Variants in GTF2A1L observed in about 807,000 individuals in gnomAD.
GTF2A1L encodes general transcription factor IIA subunit 1 like.
Under a neutral mutation model 49.7 loss-of-function variants are expected in GTF2A1L, and 48 were observed. That is an observed-to-expected ratio of 0.97 (90% CI 0.77 to 1.23). GTF2A1L has a LOEUF of 1.23. Ranked by LOEUF, GTF2A1L falls within the 50% of genes most tolerant of loss-of-function variation. The probability of loss-of-function intolerance (pLI) is 0.00; values close to 1 mark genes in which losing one functional copy is unlikely to be tolerated. For missense variants in GTF2A1L, 736 were observed against 564.8 expected (o/e 1.30, Z -3.07); for synonymous variants, 246 against 193.5 (o/e 1.27, Z -2.25).
intron 8 of GTF2A1L, among the ~76,000 whole-genome samples, chr2:48,677,571 T>G (rs573826693): frequency 1.3e-5 from 2 of 151,976 alleles, no homozygotes; most frequent in Non-Finnish European, 2.9e-5. Context: ...TGGGAAGTCA[T>G]TGGAGAGTTT....
In GTF2A1L at chr2:48,669,960, C is replaced by T; in HGVS notation, c.1217C>T (p.Pro406Leu). Residue 406 changes from proline (P) to leucine (L), a missense_variant, in exon 7 of 9, where the codon CCT becomes CTT. Pro to Leu is a moderately conservative substitution (Grantham distance 98, BLOSUM62 -3). Transcript: ENST00000403751. ...ACAAACAGTAGTGATAATGAAGACC[C>T]TCAAGTAAACATTGTAGAAGAGGTG... ...SATNSSDNEDPQVNIVEEDPL... is the reference protein window; with the variant it reads ...SATNSSDNEDLQVNIVEEDPL... 6.2e-7 allele frequency: 1 copy of T among 1,613,444 alleles called. No individual in the cohort carries two copies. Among genetic ancestry groups the T allele is most frequent in the Non-Finnish European group, 8.5e-7 (1 of 1,179,730 alleles).
intron 3 of GTF2A1L, among the ~76,000 whole-genome samples, chr2:48,640,596 A>G (rs941676169): frequency 1.5e-4 from 23 of 152,288 alleles, no homozygotes; most frequent in African/African-American, 5.5e-4. Context: ...TAATTCCTGG[A>G]TAATGAAATA....
chr2:48,656,435 C>G (rs974815546), intron 6 of GTF2A1L, among the ~76,000 whole-genome samples: 1 of 147,946 alleles, frequency 6.8e-6, no homozygotes, highest in Non-Finnish European at 1.5e-5. Flanking sequence ...TATGTATTTC[C>G]CTAATAATTA....
intron 8 of GTF2A1L, among the ~76,000 whole-genome samples, 154 bp from the exon 9 acceptor site, chr2:48,679,181 A>G (rs1679630302): frequency 6.6e-6 from 1 of 152,098 alleles, no homozygotes; most frequent in Non-Finnish European, 1.5e-5. Context: ...TAGGAACTCA[A>G]ATGTTTATGG....
intron 6 of GTF2A1L, among the ~76,000 whole-genome samples, chr2:48,653,089 C>T (rs141776529): frequency 8.6e-5 from 13 of 151,572 alleles, no homozygotes; most frequent in South Asian, 2.1e-4. Flanking sequence ...ATTAGCCTGG[C>T]GTGCGGCTGT....
chr2:48,640,015 C>T (rs914601409), intron 3 of GTF2A1L, among the ~76,000 whole-genome samples: 2 of 152,098 alleles, frequency 1.3e-5, no homozygotes, highest in Non-Finnish European at 2.9e-5. Context: ...TCACACCAGT[C>T]TGAATGGCTG....
At chr2:48,656,729 G>T (rs1005100970) in intron 6 of GTF2A1L, among the ~76,000 whole-genome samples, 11 of 151,578 alleles carry the variant, frequency 7.3e-5, no homozygotes, top group Non-Finnish European at 1.3e-4. Flanking sequence ...TTTTTCTTTT[G>T]TTGCCTATGC....
intron 3 of GTF2A1L, among the ~76,000 whole-genome samples, chr2:48,624,714 T>G (rs1240268540): frequency 7.0e-6 from 1 of 142,696 alleles, no homozygotes; most frequent in African/African-American, 2.5e-5. Context: ...ATTTTCTCCC[T>G]TCCTGCCTCT....
chr2:48,677,174 C>T (rs1679511910), intron 8 of GTF2A1L, among the ~76,000 whole-genome samples: 1 of 151,722 alleles, frequency 6.6e-6, no homozygotes, highest in African/African-American at 2.4e-5. Flanking sequence ...GCAGAGTTTT[C>T]CTGGATATTC....
rs574474464 is a variant in GTF2A1L at position 48,633,254 on chromosome 2, C to G, written c.248-9148C>G. On this transcript the variant is annotated intron_variant, in intron 3 of 8. Transcript: ENST00000403751. ...TCCTACTGACTATCTTCTTCCCCAC[C>G]CCCCCGTCCCACTTCCAGGCACAGC... The G allele has an allele frequency of 7.9e-5, 13 of 164,912 alleles. No homozygotes were observed. In the East Asian group the frequency reaches 2.0e-3, roughly 26 times the overall value. The allele number at this position is 164,912 out of a possible 1,614,324, so 10.2% of individuals were successfully genotyped here. A position where few individuals can be genotyped will look rare whatever the true frequency, so the allele number is the denominator to read the frequency against.
At chr2:48,669,339 C>T (rs960613617) in intron 6 of GTF2A1L, among the ~76,000 whole-genome samples, 1 of 152,026 alleles carries the variant, frequency 6.6e-6, no homozygotes, top group South Asian at 2.1e-4. Flanking sequence ...TTTTATTTAT[C>T]CATTAAGCAC....
chr2:48,633,084 G>T, intron 3 of GTF2A1L: 3 of 266,510 alleles, frequency 1.1e-5, no homozygotes, highest in South Asian at 1.0e-4. Context: ...TGTAATCTTT[G>T]ATGTACTTCT....
intron 6 of GTF2A1L, among the ~76,000 whole-genome samples, chr2:48,656,237 A>C (rs1678161437): frequency 6.6e-6 from 1 of 152,064 alleles, no homozygotes; most frequent in African/African-American, 2.4e-5. Context: ...TCTACTTTTA[A>C]TCTTATTAGG....
At chr2:48,678,052 CTAA>C (rs1453345702) in intron 8 of GTF2A1L, among the ~76,000 whole-genome samples, 1 of 150,538 alleles carries the variant, frequency 6.6e-6, no homozygotes, top group Non-Finnish European at 1.5e-5. Context: ...TTTAAAAAAT[CTAA>C]TATGCAATAG....
chr2:48,635,840 G>T (rs1384418384), intron 3 of GTF2A1L, among the ~76,000 whole-genome samples: 1 of 152,100 alleles, frequency 6.6e-6, no homozygotes, highest in Non-Finnish European at 1.5e-5. Flanking sequence ...GAAAGTGTCT[G>T]CAGCTTCTCC....
At chr2:48,646,136 C>T (rs908964279) in intron 5 of GTF2A1L, among the ~76,000 whole-genome samples, 4 of 151,906 alleles carry the variant, frequency 2.6e-5, no homozygotes, top group African/African-American at 4.8e-5. Flanking sequence ...ATTAATTTAT[C>T]AAACAATGGA....
In GTF2A1L at chr2:48,628,664, T is replaced by C. The variant is rs140551818; in HGVS notation, c.247+7374T>C. On this transcript the variant is annotated intron_variant, in intron 3 of 8. Transcript: ENST00000403751. ...TGAATATTTTCTACCATCCTGTAGGTTGTCTGTTCACTCTGTTGGTAGCTT... is the reference window on the plus strand; with the variant it reads ...TGAATATTTTCTACCATCCTGTAGGCTGTCTGTTCACTCTGTTGGTAGCTT... Among the ~76,000 whole-genome samples the C allele has an allele frequency of 7.6e-5, 11 of 144,246 alleles. 1 individual carries two copies. The highest frequency in any genetic ancestry group is 2.2e-4 in the African/African-American group (9 of 40,624). The allele number at this position is 144,246 out of a possible 152,430, so 94.6% of individuals were successfully genotyped here.
chr2:48,621,078 C>T (rs1188343485), intron 2 of GTF2A1L, 89 bp from the exon 3 acceptor site: 27 of 1,516,358 alleles, frequency 1.8e-5, no homozygotes, highest in South Asian at 7.9e-5. Context: ...ATCAGGATGA[C>T]GTTAGTTTTT....
intron 1 of GTF2A1L, 181 bp downstream of exon 1, chr2:48,618,076 A>G: frequency 1.6e-6 from 1 of 614,768 alleles, no homozygotes; most frequent in Non-Finnish European, 2.8e-6. Flanking sequence ...GAGGGCCAGT[A>G]GTTCAGCAGG....
Sources: gnomAD v4.1 joint callset for allele counts (sites outside exome capture counted in the v4.1 genomes callset) on GRCh38, gnomAD v4.1.1 for gene constraint, MANE v1.5 for transcripts, NCBI Gene and HGNC (gene_info 2026-07-23, HGNC 2026-07-21) for gene names.